Variants in YES1 observed in about 807,000 individuals in gnomAD.
YES1 encodes YES proto-oncogene 1, Src family tyrosine kinase, also known as tyrosine-protein kinase Yes.
In YES1, 39 loss-of-function variants were observed where a neutral mutation model predicts 70.4. The observed-to-expected ratio is 0.55, with a 90% CI of 0.43 to 0.72. The LOEUF is 0.72. Ranked by LOEUF, YES1 falls within the 30% of genes least tolerant of loss-of-function variation. The pLI, the probability that YES1 is intolerant of heterozygous loss-of-function variation, is 0.00. For synonymous variants in YES1, 198 were observed against 218.6 expected, an observed-to-expected ratio of 0.91 and a Z score of 0.83; for missense variants, 495 against 644.8, an observed-to-expected ratio of 0.77 and a Z score of 2.52.
intron 1 of YES1, among the ~76,000 whole-genome samples, chr18:759,284 T>C (rs141808600): frequency 0.015 from 2,261 of 152,276 alleles, 47 homozygotes; most frequent in African/African-American, 0.052. Context: ...CTGGCCAACA[T>C]GGTGAAACTC....
chr18:767,034 G>A (rs1338724838), intron 1 of YES1, among the ~76,000 whole-genome samples: 1 of 151,976 alleles, frequency 6.6e-6, no homozygotes, highest in African/African-American at 2.4e-5. Context: ...TTCTTCACCA[G>A]AAGATTTTCT....
intron 1 of YES1, among the ~76,000 whole-genome samples, chr18:762,632 TA>T (rs1044992571): frequency 1.3e-5 from 2 of 151,954 alleles, no homozygotes; most frequent in African/African-American, 2.4e-5. Flanking sequence ...ATTATGGGAT[TA>T]AAAAAAACTA....
At chr18:742,846 T>C in intron 8 of YES1, 72 bp downstream of exon 8, 1 of 1,279,264 alleles carries the variant, frequency 7.8e-7, no homozygotes, top group Non-Finnish European at 1.1e-6. Context: ...ACAGTATAAG[T>C]CTATATGCAT....
intron 1 of YES1, among the ~76,000 whole-genome samples, chr18:796,758 A>G (rs991746121): frequency 5.3e-5 from 8 of 152,164 alleles, no homozygotes; most frequent in African/African-American, 1.9e-4. Flanking sequence ...TCTGTCTCAT[A>G]AAATAAATAA....
intron 2 of YES1, among the ~76,000 whole-genome samples, chr18:752,763 C>T (rs2080357881): frequency 6.6e-6 from 1 of 151,864 alleles, no homozygotes; most frequent in African/African-American, 2.4e-5. Context: ...GTCAACAGGG[C>T]GAAACCCTGT....
At chr18:778,695 T>C (rs952888516) in intron 1 of YES1, among the ~76,000 whole-genome samples, 1 of 152,184 alleles carries the variant, frequency 6.6e-6, no homozygotes, top group Non-Finnish European at 1.5e-5. Context: ...ACATGAACAA[T>C]TTCCATAGGT....
At chr18:740,426 G>A (rs2080204489) in intron 8 of YES1, among the ~76,000 whole-genome samples, 1 of 152,182 alleles carries the variant, frequency 6.6e-6, no homozygotes, top group Non-Finnish European at 1.5e-5. Context: ...GGAAGACAGA[G>A]GAAGGTTGAG....
At chr18:733,783 A>C (rs1326119290) in intron 10 of YES1, among the ~76,000 whole-genome samples, 3 of 27,604 alleles carry the variant, frequency 1.1e-4, no homozygotes, top group African/African-American at 8.0e-4. Flanking sequence ...ACTCCGTCTC[A>C]AAAAAAAAAA....
chr18:752,477 A>G (rs2080355013), intron 2 of YES1, among the ~76,000 whole-genome samples: 1 of 152,194 alleles, frequency 6.6e-6, no homozygotes, highest in African/African-American at 2.4e-5. Flanking sequence ...TTTCAAATCA[A>G]TTATTTGACA....
At position 732,750 on chromosome 18, in the gene YES1, T is replaced by C. The variant is rs2145678830; in HGVS notation, c.1423+84A>G. 10 of 1,574,580 alleles carry C rather than the reference T, an allele frequency of 6.4e-6. No homozygotes were observed. The South Asian group carries it at 1.1e-4, about 18-fold the overall frequency. The stretch of plus-strand genomic sequence containing the variant: ...GGACTATGAGAAGAAATAAAGGCCT[T>C]TTCCCCGCTTACAATTCTGTTCCTA... On this transcript the variant is annotated intron_variant, in intron 11 of 11. Transcript: ENST00000314574.
At chr18:804,243 G>A (rs1022512366) in intron 1 of YES1, among the ~76,000 whole-genome samples, 5 of 152,094 alleles carry the variant, frequency 3.3e-5, no homozygotes, top group African/African-American at 9.7e-5. Context: ...AAATAGCCAC[G>A]ATTACTTGTT....
chr18:772,770 CTACTT>C (rs1905216780), intron 1 of YES1, among the ~76,000 whole-genome samples: 1 of 152,158 alleles, frequency 6.6e-6, no homozygotes, highest in African/African-American at 2.4e-5. Flanking sequence ...TTCTGGCTAA[CTACTT>C]TACTCTCTAC....
At chr18:748,595 G>C (rs1406137318) in intron 3 of YES1, among the ~76,000 whole-genome samples, 2 of 151,990 alleles carry the variant, frequency 1.3e-5, no homozygotes, top group Admixed American at 6.6e-5. Context: ...TGTCTCTATG[G>C]ATATGCCCAC....
At chr18:728,322 CA>C (rs34970099) in intron 11 of YES1, among the ~76,000 whole-genome samples, 34 of 145,688 alleles carry the variant, frequency 2.3e-4, no homozygotes, top group East Asian at 4.0e-4. Flanking sequence ...GACCCTGTCT[CA>C]AAAAAAAAAA....
chr18:763,711 A>C, intron 1 of YES1, among the ~76,000 whole-genome samples: 1 of 151,214 alleles, frequency 6.6e-6, no homozygotes, highest in South Asian at 2.1e-4. Flanking sequence ...TTCAAAAAAA[A>C]AAAAAAAAAA....
intron 2 of YES1, among the ~76,000 whole-genome samples, chr18:754,947 C>T (rs1279833735): frequency 1.3e-5 from 2 of 152,160 alleles, no homozygotes; most frequent in Non-Finnish European, 1.5e-5. Flanking sequence ...GATACACAGA[C>T]ACTGAGTGTA....
intron 1 of YES1, among the ~76,000 whole-genome samples, chr18:772,747 G>A (rs1483377732): frequency 1.3e-5 from 2 of 152,008 alleles, no homozygotes; most frequent in Non-Finnish European, 2.9e-5. Flanking sequence ...CTCTATTTCT[G>A]TATTTCTGAT....
In YES1 at chr18:724,404, T is replaced by A. The variant is rs1458418744; in HGVS notation, c.*20A>T. 6.2e-7 allele frequency: 1 copy of A among 1,607,408 alleles called. No homozygotes were observed. Among genetic ancestry groups the A allele is most frequent in the Non-Finnish European group, 8.5e-7 (1 of 1,175,416 alleles). On this transcript the variant is annotated 3_prime_UTR_variant, in exon 12 of 12. Coordinates refer to ENST00000314574, the MANE Select transcript of YES1 (RefSeq NM_005433.4). ...CTTTATATTTTGGCAGATTTGTGCA[T>A]ATAAAATAGGCTACTTGAATTATAA...
chr18:733,813 A>G (rs967173298), intron 10 of YES1, among the ~76,000 whole-genome samples: 2 of 143,506 alleles, frequency 1.4e-5, no homozygotes, highest in South Asian at 2.2e-4. Flanking sequence ...AAAAAAAAGC[A>G]TGGCTTTCAT....
Sources: allele counts gnomAD v4.1 joint callset (sites outside exome capture counted in the v4.1 genomes callset), GRCh38; gene constraint gnomAD v4.1.1; transcripts MANE v1.5; gene names NCBI Gene and HGNC (gene_info 2026-07-23, HGNC 2026-07-21).